IQGAP2: variants seen among roughly 807,000 people sequenced by gnomAD.
The protein encoded by IQGAP2 is ras GTPase-activating-like protein IQGAP2.
In IQGAP2, 173 loss-of-function variants were observed where a neutral mutation model predicts 201.3. The ratio of observed to expected loss-of-function variants is 0.86; its 90% CI spans 0.76 to 0.98. The LOEUF is 0.98. IQGAP2 is among the 50% of genes least tolerant of loss of function. IQGAP2 has a pLI of 0.00. For synonymous variants in IQGAP2, 675 were observed against 673.9 expected, an observed-to-expected ratio of 1.00 and a Z score of -0.03; for missense variants, 1,687 against 1,864.8, an observed-to-expected ratio of 0.90 and a Z score of 1.76.
At position 76,674,665 on chromosome 5, in the gene IQGAP2, C is replaced by G; in HGVS notation, c.3483C>G (p.Leu1161=). The G allele has an allele frequency of 6.2e-7, 1 of 1,614,118 alleles. No individual in the cohort carries two copies. The highest frequency in any genetic ancestry group is 8.5e-7 in the Non-Finnish European group (1 of 1,179,958). Residue 1161 remains leucine, a synonymous_variant, in exon 27 of 36, where the codon CTC becomes CTG. Transcript: ENST00000274364. ...NKLFEGENEH[L]SSMNNYLSET... ...TGTTTGAAGGAGAAAATGAGCATCTCTCATCTATGAACAATTATTTATCAG... is the reference window on the plus strand; with the variant it reads ...TGTTTGAAGGAGAAAATGAGCATCTGTCATCTATGAACAATTATTTATCAG...
In IQGAP2 at chr5:76,606,294, GA is replaced by G; in HGVS notation, c.1352del (p.Asn451MetfsTer5). The G allele has an allele frequency of 1.3e-6, 2 of 1,597,362 alleles. No homozygotes were observed. The highest frequency in any genetic ancestry group is 2.3e-5 in the East Asian group (1 of 44,292). On this transcript the variant is annotated frameshift_variant, in exon 12 of 36. Transcript: ENST00000274364. LOFTEE classifies it high-confidence loss of function. ...TATGGTTAATGCTCAAATTCAAGAAGAAAATGACCGTAAGTATAAGACACTT... is the reference window on the plus strand; with the variant it reads ...TATGGTTAATGCTCAAATTCAAGAAGAAATGACCGTAAGTATAAGACACTT... ...IDMVNAQIQE[E>X]NDRVVAVGYI...
intron 1 of IQGAP2, among the ~76,000 whole-genome samples, chr5:76,452,455 C>T (rs1753819767): frequency 6.6e-6 from 1 of 152,112 alleles, no homozygotes; most frequent in Non-Finnish European, 1.5e-5. Context: ...TGGCATTCCT[C>T]ATGTGATCTA....
At chr5:76,542,535 T>C (rs777111113) in intron 2 of IQGAP2, among the ~76,000 whole-genome samples, 8 of 152,264 alleles carry the variant, frequency 5.3e-5, no homozygotes, top group Non-Finnish European at 1.0e-4. Context: ...TTCCAACTTA[T>C]ATAAATAATC....
chr5:76,424,471 C>A (rs1751891625), intron 1 of IQGAP2, among the ~76,000 whole-genome samples: 1 of 152,144 alleles, frequency 6.6e-6, no homozygotes, highest in Non-Finnish European at 1.5e-5. Context: ...CCATGCCCGG[C>A]TCATTTTGTA....
At chr5:76,468,441 A>G (rs939562590) in intron 2 of IQGAP2, among the ~76,000 whole-genome samples, 5 of 152,050 alleles carry the variant, frequency 3.3e-5, no homozygotes, top group African/African-American at 9.7e-5. Context: ...TGCTCTGTTA[A>G]TCTCTCTGTA....
In IQGAP2 at chr5:76,516,615, G is replaced by A. The variant is rs1035517588; in HGVS notation, c.147-45781G>A. On this transcript the variant is annotated intron_variant, in intron 2 of 35. Coordinates refer to ENST00000274364, the MANE Select transcript of IQGAP2 (RefSeq NM_006633.5). ...AGAAAAGATGTGTTTGAGTATGTGCGTGTGTTGGGGGAGGGGGTTGCCGGA... is the reference window on the plus strand; with the variant it reads ...AGAAAAGATGTGTTTGAGTATGTGCATGTGTTGGGGGAGGGGGTTGCCGGA... Among the ~76,000 whole-genome samples the A allele has an allele frequency of 5.9e-5, 9 of 152,294 alleles. No homozygotes were observed. The South Asian group carries it at 8.3e-4, about 14-fold the overall frequency.
intron 3 of IQGAP2, among the ~76,000 whole-genome samples, chr5:76,568,707 G>A (rs1367105438): frequency 1.3e-5 from 2 of 152,148 alleles, no homozygotes; most frequent in Non-Finnish European, 2.9e-5. Flanking sequence ...GTTCTAGTAG[G>A]GATTTAGGGA....
At chr5:76,644,530 C>T (rs534472771) in intron 17 of IQGAP2, among the ~76,000 whole-genome samples, 1 of 151,980 alleles carries the variant, frequency 6.6e-6, no homozygotes, top group East Asian at 1.9e-4. Flanking sequence ...GAACTCTTGG[C>T]CTCGAGTGAT....
intron 2 of IQGAP2, among the ~76,000 whole-genome samples, chr5:76,462,330 C>A (rs1258799619): frequency 6.6e-6 from 1 of 152,188 alleles, no homozygotes; most frequent in Non-Finnish European, 1.5e-5. Flanking sequence ...TTTATGACAG[C>A]AATCTCCTCT....
intron 1 of IQGAP2, among the ~76,000 whole-genome samples, chr5:76,406,939 G>A (rs1320432503): frequency 1.3e-5 from 2 of 152,110 alleles, no homozygotes; most frequent in African/African-American, 2.4e-5. Flanking sequence ...CATGTTGTGG[G>A]GGCGGGGAAG....
chr5:76,700,350 T>C (rs765024162), intron 33 of IQGAP2, among the ~76,000 whole-genome samples: 4 of 152,126 alleles, frequency 2.6e-5, no homozygotes, highest in Non-Finnish European at 5.9e-5. Context: ...CCTCTAAAAA[T>C]ACAAAAATTC....
chr5:76,550,329 C>T (rs1743365484), intron 2 of IQGAP2, among the ~76,000 whole-genome samples: 1 of 150,818 alleles, frequency 6.6e-6, no homozygotes, highest in African/African-American at 2.4e-5. Flanking sequence ...GTCCTCCAGG[C>T]CCATTGGGCT....
intron 2 of IQGAP2, among the ~76,000 whole-genome samples, chr5:76,554,457 A>G (rs1323231950): frequency 6.6e-6 from 1 of 152,186 alleles, no homozygotes; most frequent in Non-Finnish European, 1.5e-5. Flanking sequence ...AGGAACTCTT[A>G]TAACTCAAAA....
At chr5:76,661,249 C>T (rs1312966746) in intron 21 of IQGAP2, among the ~76,000 whole-genome samples, 1 of 152,102 alleles carries the variant, frequency 6.6e-6, no homozygotes, top group Non-Finnish European at 1.5e-5. Flanking sequence ...AGCATTCCTC[C>T]TAAAATCCTC....
chr5:76,441,445 G>C, intron 1 of IQGAP2: 1 of 967,120 alleles, frequency 1.0e-6, no homozygotes, highest in Non-Finnish European at 1.2e-6. Flanking sequence ...TTGTGTCTAA[G>C]TCACGGGATA....
chr5:76,508,679 G>GTT (rs1211887886), intron 2 of IQGAP2, among the ~76,000 whole-genome samples: 6 of 146,792 alleles, frequency 4.1e-5, no homozygotes, highest in African/African-American at 1.3e-4. Context: ...CCTGTCTCTG[G>GTT]TTTTTTTTTT....
intron 8 of IQGAP2, 48 bp downstream of exon 8, chr5:76,590,634 T>C: frequency 7.0e-7 from 1 of 1,432,168 alleles, no homozygotes; most frequent in Non-Finnish European, 9.5e-7. Context: ...TGCTTATGAG[T>C]TACTAGTTTG....
intron 2 of IQGAP2, among the ~76,000 whole-genome samples, chr5:76,528,742 T>G (rs1443115301): frequency 6.6e-6 from 1 of 152,268 alleles, no homozygotes; most frequent in African/African-American, 2.4e-5. Flanking sequence ...TATGATTCAT[T>G]TGCACCAGCT....
intron 17 of IQGAP2, among the ~76,000 whole-genome samples, chr5:76,643,132 A>G (rs1380205254): frequency 6.6e-6 from 1 of 152,250 alleles, no homozygotes; most frequent in Non-Finnish European, 1.5e-5. Flanking sequence ...TCCAGAAGAC[A>G]GGAGAAAATT....
Sources: allele counts gnomAD v4.1 joint callset (sites outside exome capture counted in the v4.1 genomes callset), GRCh38; gene constraint gnomAD v4.1.1; transcripts MANE v1.5; gene names NCBI Gene and HGNC (gene_info 2026-07-23, HGNC 2026-07-21).